The following ZDHHC3 variants were observed in gnomAD, a reference collection of about 807,000 sequenced individuals.
ZDHHC3 encodes zDHHC palmitoyltransferase 3, also known as palmitoyltransferase ZDHHC3.
ZDHHC3 carries 9 observed loss-of-function variants against 30.6 expected under a neutral mutation model. That is an observed-to-expected ratio of 0.29 (90% CI 0.18 to 0.51). The LOEUF (loss-of-function observed/expected upper bound fraction) is 0.51, where lower values mean the gene tolerates loss of function less well. ZDHHC3 is among the 20% of genes least tolerant of loss of function. The pLI is 0.97. For missense variants in ZDHHC3, 246 were observed against 384.2 expected, an observed-to-expected ratio of 0.64 and a Z score of 3.01; for synonymous variants, 136 against 140.2, an observed-to-expected ratio of 0.97 and a Z score of 0.21.
chr3:44,940,329 C>T (rs1189222287), intron 3 of ZDHHC3, among the ~76,000 whole-genome samples: 1 of 152,186 alleles, frequency 6.6e-6, no homozygotes, highest in African/African-American at 2.4e-5. Flanking sequence ...AGATCACAGA[C>T]TAAGAGCCTC....
intron 1 of ZDHHC3, among the ~76,000 whole-genome samples, chr3:44,964,879 C>T (rs1411649976): frequency 6.6e-6 from 1 of 151,944 alleles, no homozygotes; most frequent in Admixed American, 6.5e-5. Context: ...TTAGCGCCTC[C>T]ATATATTAGT....
At chr3:44,965,359 C>G (rs1704849629) in intron 1 of ZDHHC3, among the ~76,000 whole-genome samples, 1 of 152,138 alleles carries the variant, frequency 6.6e-6, no homozygotes, top group Non-Finnish European at 1.5e-5. Flanking sequence ...GCCCCAGGGA[C>G]TGGGTTGCTG....
intron 1 of ZDHHC3, among the ~76,000 whole-genome samples, chr3:44,961,866 A>G (rs1034375022): frequency 6.6e-6 from 1 of 152,238 alleles, no homozygotes; most frequent in Non-Finnish European, 1.5e-5. Flanking sequence ...TTGATTATAA[A>G]TTGTCTCTGG....
chr3:44,917,633 T>A lies in ZDHHC3; in HGVS notation c.*9056A>T, dbSNP rs1480049624. 3.2e-6 allele frequency: 1 copy of A among 315,704 alleles called. No homozygotes were observed. The highest frequency in any genetic ancestry group is 2.2e-5 in the African/African-American group (1 of 46,290). The allele number at this position is 315,704 out of a possible 1,614,324, so 19.6% of individuals were successfully genotyped here. ...CCCAGTCTTGGAGAACGGTTCTTGA[T>A]GAGCCGTCTCAGTGCAGACTCTTCT... On this transcript the variant is annotated 3_prime_UTR_variant, in exon 7 of 7. Coordinates refer to ENST00000424952, the MANE Select transcript of ZDHHC3 (RefSeq NM_001135179.2).
chr3:44,942,873 T>G (rs565124898), intron 3 of ZDHHC3, among the ~76,000 whole-genome samples: 2 of 152,332 alleles, frequency 1.3e-5, no homozygotes, highest in East Asian at 3.9e-4. Context: ...GGCCAGAGTC[T>G]GCTCCACCAT....
chr3:44,934,588 A>AAAGC (rs1701783043), intron 3 of ZDHHC3, among the ~76,000 whole-genome samples: 1 of 151,404 alleles, frequency 6.6e-6, no homozygotes, highest in Non-Finnish European at 1.5e-5. Flanking sequence ...AAAAAAAAAA[A>AAAGC]AAGCAAGCAA....
chr3:44,974,733 C>G (rs1705730528), intron 1 of ZDHHC3, among the ~76,000 whole-genome samples: 1 of 152,190 alleles, frequency 6.6e-6, no homozygotes, highest in African/African-American at 2.4e-5. Flanking sequence ...TAAGAAACAT[C>G]TAATGTCCAG....
intron 1 of ZDHHC3, among the ~76,000 whole-genome samples, chr3:44,963,282 G>A (rs1222316266): frequency 2.6e-5 from 4 of 152,140 alleles, no homozygotes; most frequent in African/African-American, 9.7e-5. Flanking sequence ...TCTAGGAAAG[G>A]ACCAAGCCAA....
At chr3:44,949,871 T>G (rs1703284819) in intron 2 of ZDHHC3, among the ~76,000 whole-genome samples, 1 of 152,208 alleles carries the variant, frequency 6.6e-6, no homozygotes, top group South Asian at 2.1e-4. Flanking sequence ...GGTCTTGCTC[T>G]GTTGCCCAGG....
intron 3 of ZDHHC3, 48 bp from the exon 4 acceptor site, chr3:44,934,032 G>C: frequency 6.3e-6 from 10 of 1,582,418 alleles, no homozygotes; most frequent in Non-Finnish European, 8.7e-6. Context: ...CATGGTGTTG[G>C]GAGGGCCCCG....
chr3:44,949,821 G>T (rs1703276718), intron 2 of ZDHHC3, among the ~76,000 whole-genome samples: 1 of 152,084 alleles, frequency 6.6e-6, no homozygotes, highest in South Asian at 2.1e-4. Context: ...AGCCCAAAGG[G>T]CCTTATTTTT....
At chr3:44,974,484 ATAT>A (rs1216130936) in intron 1 of ZDHHC3, among the ~76,000 whole-genome samples, 1 of 152,150 alleles carries the variant, frequency 6.6e-6, no homozygotes, top group African/African-American at 2.4e-5. Context: ...CATCTAGAAA[ATAT>A]CATTTATAAC....
chr3:44,932,236 T>C (rs894022240), intron 5 of ZDHHC3, among the ~76,000 whole-genome samples: 2 of 151,940 alleles, frequency 1.3e-5, no homozygotes, highest in African/African-American at 4.8e-5. Flanking sequence ...GAATGGCAAG[T>C]TCTGCACATA....
In ZDHHC3 at chr3:44,921,497, T is replaced by G; in HGVS notation, c.*5192A>C. Reference sequence around the variant, plus strand: ...CTCCCTAAGCTTCATAAAACAATACTTATCCTGCAATATGTAATGCATTAA... The same window carrying G: ...CTCCCTAAGCTTCATAAAACAATACGTATCCTGCAATATGTAATGCATTAA... On this transcript the variant is annotated 3_prime_UTR_variant, in exon 7 of 7. Coordinates refer to ENST00000424952, the MANE Select transcript of ZDHHC3 (RefSeq NM_001135179.2). 3 of 985,448 alleles carry G rather than the reference T, an allele frequency of 3.0e-6. No homozygotes were observed. The highest frequency in any genetic ancestry group is 3.6e-6 in the Non-Finnish European group (3 of 829,944). 61.0% of individuals were successfully genotyped at this position (985,448 alleles called of 1,614,324 possible). A position where few individuals can be genotyped will look rare whatever the true frequency, so the allele number is the denominator to read the frequency against.
intron 2 of ZDHHC3, among the ~76,000 whole-genome samples, chr3:44,952,866 T>C (rs1019432679): frequency 6.6e-6 from 1 of 152,220 alleles, no homozygotes; most frequent in African/African-American, 2.4e-5. Context: ...ACAGCTTGTA[T>C]GTATAGTATG....
At position 44,920,495 on chromosome 3, in the gene ZDHHC3, G is replaced by A; in HGVS notation, c.*6194C>T. The A allele has an allele frequency of 1.0e-6, 1 of 985,438 alleles. No homozygotes were observed. Among genetic ancestry groups the A allele is most frequent in the Non-Finnish European group, 1.2e-6 (1 of 829,916 alleles). The allele number at this position is 985,438 out of a possible 1,614,324, so 61.0% of individuals were successfully genotyped here. A position where few individuals can be genotyped will look rare whatever the true frequency, so the allele number is the denominator to read the frequency against. ...CCATAGGTTTTTATGGCCTCCTTGT[G>A]AGGAGGTGGGTATGAGTATTGATGA... On this transcript the variant is annotated 3_prime_UTR_variant, in exon 7 of 7. Transcript: ENST00000424952.
chr3:44,959,382 G>A lies in ZDHHC3; in HGVS notation c.55C>T (p.Leu19Phe). Reference sequence around the variant, plus strand: ...GGTGGGACACACTTCTCTGGCTGGAGGTATTCTGGTTTCCGCTCAATGTTT... The same window carrying A: ...GGTGGGACACACTTCTCTGGCTGGAAGTATTCTGGTTTCCGCTCAATGTTT... ...FRNIERKPEY[L>F]QPEKCVPPPY... The change falls in exon 2 of 7, where the codon CTC (leucine) becomes TTC (phenylalanine). Residue 19 changes from leucine (L) to phenylalanine (F), a missense_variant. Coordinates refer to ENST00000424952, the MANE Select transcript of ZDHHC3 (RefSeq NM_001135179.2). The surrounding 1 kb of genome is among the most constrained non-coding windows in gnomAD (Gnocchi z 4.3). 1 of 1,614,214 alleles carries A rather than the reference G, an allele frequency of 6.2e-7. No homozygotes were observed. The highest frequency in any genetic ancestry group is 8.5e-7 in the Non-Finnish European group (1 of 1,180,034).
At position 44,921,379 on chromosome 3, in the gene ZDHHC3, C is replaced by G; in HGVS notation, c.*5310G>C. The stretch of plus-strand genomic sequence containing the variant: ...TCTCTTCATAGCGGGCCAGATAACA[C>G]TGTCTCTCCTCATCAGAGATTTCAT... On this transcript the variant is annotated 3_prime_UTR_variant, in exon 7 of 7. Transcript: ENST00000424952. The G allele has an allele frequency of 1.0e-6, 1 of 985,452 alleles. No homozygotes were observed. The highest frequency in any genetic ancestry group is 1.2e-6 in the Non-Finnish European group (1 of 829,934). 61.0% of individuals were successfully genotyped at this position (985,452 alleles called of 1,614,324 possible). A position where few individuals can be genotyped will look rare whatever the true frequency, so the allele number is the denominator to read the frequency against.
chr3:44,930,906 C>T (rs1701435219), intron 5 of ZDHHC3, among the ~76,000 whole-genome samples: 1 of 152,190 alleles, frequency 6.6e-6, no homozygotes. Flanking sequence ...GCAGACACCA[C>T]GAGGTACAAA....
Sources: gnomAD v4.1 joint callset for allele counts (sites outside exome capture counted in the v4.1 genomes callset) on GRCh38, gnomAD v4.1.1 for gene constraint, Gnocchi (gnomAD v3.1) non-coding constraint, MANE v1.5 for transcripts, NCBI Gene and HGNC (gene_info 2026-07-23, HGNC 2026-07-21) for gene names.